FSD1L: variants seen among roughly 807,000 people sequenced by gnomAD.
The protein encoded by FSD1L is fibronectin type III and SPRY domain containing 1 like, also known as FSD1-like protein.
Under a neutral mutation model 71.6 loss-of-function variants are expected in FSD1L, and 45 were observed. The observed-to-expected ratio is 0.63, with a 90% CI of 0.49 to 0.81. FSD1L has a LOEUF of 0.81. Among genes scored for constraint, FSD1L ranks in the 30% least tolerant of loss-of-function variants. The pLI is 0.00. For synonymous variants in FSD1L, 197 were observed against 207.2 expected (o/e 0.95, Z 0.42); for missense variants, 561 against 618.1 (o/e 0.91, Z 0.98).
chr9:105,450,531 G>GTTTTTTTTTT (rs1363861520), intron 1 of FSD1L, among the ~76,000 whole-genome samples: 1 of 144,766 alleles, frequency 6.9e-6, no homozygotes, highest in African/African-American at 2.7e-5. Flanking sequence ...TGAGGATTGT[G>GTTTTTTTTTT]TTCTTTTTTT....
At chr9:105,458,261 C>G (rs927320135) in intron 1 of FSD1L, among the ~76,000 whole-genome samples, 3 of 152,174 alleles carry the variant, frequency 2.0e-5, no homozygotes, top group African/African-American at 7.2e-5. Context: ...CTACTCTTCA[C>G]TCCTGCAGTT....
At chr9:105,506,705 C>G in intron 8 of FSD1L, 97 bp downstream of exon 8, 1 of 892,692 alleles carries the variant, frequency 1.1e-6, no homozygotes, top group Non-Finnish European at 1.7e-6. Flanking sequence ...TTTAAAGTTT[C>G]TTTAGTCACA....
chr9:105,458,166 G>A (rs111674649), intron 1 of FSD1L, among the ~76,000 whole-genome samples: 3 of 152,318 alleles, frequency 2.0e-5, no homozygotes, highest in South Asian at 2.1e-4. Context: ...TGGGGCAGCC[G>A]CCTGATGCTG....
chr9:105,489,561 T>A (rs1243542385), intron 7 of FSD1L, among the ~76,000 whole-genome samples: 1 of 152,192 alleles, frequency 6.6e-6, no homozygotes. Context: ...ATGTGCAGGT[T>A]AGTTACATAT....
intron 8 of FSD1L, among the ~76,000 whole-genome samples, chr9:105,508,344 A>AT (rs879900344): frequency 1.3e-5 from 2 of 151,212 alleles, no homozygotes; most frequent in Non-Finnish European, 2.9e-5. Context: ...CGCCTGGCTA[A>AT]TTTTTTGTAT....
rs1488030655 is a variant in FSD1L, at chr9:105,464,315, C to T, written c.191C>T (p.Thr64Ile). The T allele has an allele frequency of 6.7e-7, 1 of 1,483,048 alleles. No homozygotes were observed. Among genetic ancestry groups the T allele is most frequent in the Non-Finnish European group, 9.1e-7 (1 of 1,100,912 alleles). 91.9% of individuals were successfully genotyped at this position (1,483,048 alleles called of 1,614,324 possible). A position where few individuals can be genotyped will look rare whatever the true frequency, so the allele number is the denominator to read the frequency against. Residue 64 changes from threonine to isoleucine, a missense_variant, in exon 3 of 14, where the codon ACA (threonine) becomes ATA (isoleucine). Thr to Ile is a moderately conservative substitution (Grantham distance 89). Transcript: ENST00000481272. ...IQNFIDTLHH[T>I]LKGVQENSSN... is the part of the protein sequence containing the mutation. ...AACTTTATTGATACACTACATCATA[C>T]ACTAAAAGGAGTTCAGGTATGATTG...
chr9:105,462,051 G>C (rs562526374), intron 2 of FSD1L, among the ~76,000 whole-genome samples: 4 of 151,930 alleles, frequency 2.6e-5, no homozygotes, highest in African/African-American at 9.7e-5. Context: ...TTTTTGCTAT[G>C]TAATTTCTGA....
chr9:105,517,850 A>G (rs1834832226), intron 10 of FSD1L, among the ~76,000 whole-genome samples: 1 of 152,232 alleles, frequency 6.6e-6, no homozygotes, highest in Non-Finnish European at 1.5e-5. Context: ...GCCCCAATTA[A>G]AAGACACAGA....
intron 7 of FSD1L, among the ~76,000 whole-genome samples, chr9:105,486,236 C>T (rs1832542171): frequency 6.6e-6 from 1 of 152,118 alleles, no homozygotes; most frequent in Non-Finnish European, 1.5e-5. Context: ...TTCAGAATTT[C>T]TATATTTTCA....
intron 8 of FSD1L, among the ~76,000 whole-genome samples, chr9:105,507,209 T>A (rs1464225686): frequency 1.3e-5 from 2 of 152,234 alleles, no homozygotes; most frequent in Non-Finnish European, 2.9e-5. Flanking sequence ...AAGATTACCT[T>A]CATGTTAATA....
At chr9:105,519,854 C>T (rs998562313) in intron 10 of FSD1L, among the ~76,000 whole-genome samples, 1 of 152,122 alleles carries the variant, frequency 6.6e-6, no homozygotes, top group Non-Finnish European at 1.5e-5. Context: ...CGGCGGCAGG[C>T]GGCCAGCCCG....
chr9:105,511,076 A>G (rs1589046065), intron 9 of FSD1L, among the ~76,000 whole-genome samples: 1 of 151,974 alleles, frequency 6.6e-6, no homozygotes, highest in East Asian at 1.9e-4. Context: ...GGTAGTGTCC[A>G]CAAAGAAAGA....
At chr9:105,476,015 AAGAT>A (rs1831773999) in intron 5 of FSD1L, among the ~76,000 whole-genome samples, 1 of 152,320 alleles carries the variant, frequency 6.6e-6, no homozygotes, top group African/African-American at 2.4e-5. Context: ...ATATTAAAAA[AAGAT>A]AGAAACAATA....
In FSD1L at chr9:105,448,158, C is replaced by A; in HGVS notation, c.-63C>A. ...GTAGCGGTCTTGGGGTGTGCGATCT[C>A]GCTGAGCCTCCTCACACGGTTCGTC... On this transcript the variant is annotated 5_prime_UTR_variant, in exon 1 of 14. Coordinates refer to ENST00000481272, the MANE Select transcript of FSD1L (RefSeq NM_001145313.3). 1 of 1,518,916 alleles carries A rather than the reference C, an allele frequency of 6.6e-7. No homozygotes were observed. Among genetic ancestry groups the A allele is most frequent in the Non-Finnish European group, 8.9e-7 (1 of 1,121,342 alleles). 94.1% of individuals were successfully genotyped at this position (1,518,916 alleles called of 1,614,324 possible).
At chr9:105,472,994 T>A (rs562082736) in intron 5 of FSD1L, 6 of 152,162 alleles carry the variant, frequency 3.9e-5, no homozygotes, top group African/African-American at 1.4e-4. Flanking sequence ...TGTACTATAT[T>A]TAAAAGTACT....
Position 105,551,510 on chromosome 9 carries a change from G to A in FSD1L, c.*5027G>A, listed in dbSNP as rs1429531419. ...TGCTTCAGCAACAGCAAAGTGCTAC[G>A]TAAATGTAAAGTGTTGTTTTTAGCT... On this transcript the variant is annotated 3_prime_UTR_variant, in exon 14 of 14. Coordinates refer to ENST00000481272, the MANE Select transcript of FSD1L (RefSeq NM_001145313.3). The A allele has an allele frequency of 2.0e-5, 3 of 152,126 alleles. No homozygotes were observed. The highest frequency in any genetic ancestry group is 6.6e-5 in the Admixed American group (1 of 15,260). 9.4% of individuals were successfully genotyped at this position (152,126 alleles called of 1,614,324 possible). A position where few individuals can be genotyped will look rare whatever the true frequency, so the allele number is the denominator to read the frequency against.
intron 7 of FSD1L, among the ~76,000 whole-genome samples, chr9:105,489,538 G>T (rs1052650152): frequency 6.6e-6 from 1 of 151,954 alleles, no homozygotes; most frequent in Admixed American, 6.6e-5. Context: ...AAGTTTTAGG[G>T]TACATTTGTA....
intron 7 of FSD1L, among the ~76,000 whole-genome samples, chr9:105,487,698 T>A (rs1832644609): frequency 6.6e-6 from 1 of 152,138 alleles, no homozygotes; most frequent in African/African-American, 2.4e-5. Context: ...CCTGTTGAAT[T>A]TATGGTGATT....
At chr9:105,521,916 A>G in intron 10 of FSD1L, 4 of 1,612,496 alleles carry the variant, frequency 2.5e-6, no homozygotes, top group Non-Finnish European at 3.4e-6. Context: ...GGATGAACAC[A>G]CAGATATGTG....
Sources: allele counts gnomAD v4.1 joint callset (sites outside exome capture counted in the v4.1 genomes callset), GRCh38; gene constraint gnomAD v4.1.1; transcripts MANE v1.5; gene names NCBI Gene and HGNC (gene_info 2026-07-23, HGNC 2026-07-21).